The following MAST4 variants were observed in gnomAD, a reference collection of about 807,000 sequenced individuals.
MAST4 encodes the protein microtubule associated serine/threonine kinase family member 4.
A neutral mutation model predicts 162.7 loss-of-function variants in MAST4; 89 were observed. The ratio of observed to expected loss-of-function variants is 0.55; its 90% CI spans 0.46 to 0.65. The LOEUF (loss-of-function observed/expected upper bound fraction) is 0.65, where lower values mean the gene tolerates loss of function less well. Among genes scored for constraint, MAST4 ranks in the 30% least tolerant of loss-of-function variants. The pLI is 0.00. For synonymous variants in MAST4, 1,479 were observed against 1,361.1 expected (o/e 1.09, Z -1.91); for missense variants, 3,153 against 3,374.0 (o/e 0.93, Z 1.62).
At chr5:67,135,349 G>T (rs922285804) in intron 18 of MAST4, among the ~76,000 whole-genome samples, 1 of 152,036 alleles carries the variant, frequency 6.6e-6, no homozygotes, top group Non-Finnish European at 1.5e-5. Flanking sequence ...AATTAAATAG[G>T]GTGTATCACT....
chr5:66,598,572 C>T (rs1742350997), intron 1 of MAST4, among the ~76,000 whole-genome samples: 1 of 152,186 alleles, frequency 6.6e-6, no homozygotes, highest in Non-Finnish European at 1.5e-5. Context: ...TCGCTGATTA[C>T]ATCTCCCTTT....
At position 66,660,296 on chromosome 5, in the gene MAST4, G is replaced by A. The variant is rs576214188; in HGVS notation, c.363+63278G>A. ...CCAGCTACTCAGGAGGTTGAGGCAC[G>A]AGAATCGCTTGAACCCAGGAGGCAG... On this transcript the variant is annotated intron_variant, in intron 1 of 28. Coordinates refer to ENST00000403625, the MANE Select transcript of MAST4 (RefSeq NM_001164664.2). Among the ~76,000 whole-genome samples, 10 of 152,286 alleles carry A rather than the reference G, an allele frequency of 6.6e-5. No homozygotes were observed. In the East Asian group the frequency reaches 1.7e-3, roughly 26 times the overall value.
chr5:66,752,777 G>T (rs1281988022), intron 1 of MAST4, among the ~76,000 whole-genome samples: 1 of 149,070 alleles, frequency 6.7e-6, no homozygotes, highest in African/African-American at 2.5e-5. Context: ...ATTGAACTCA[G>T]CTCTGCACCA....
At chr5:66,837,493 T>C (rs1432338832) in intron 3 of MAST4, among the ~76,000 whole-genome samples, 1 of 152,096 alleles carries the variant, frequency 6.6e-6, no homozygotes, top group Non-Finnish European at 1.5e-5. Context: ...GCACCATCAA[T>C]GAAAGGTCCT....
intron 19 of MAST4, among the ~76,000 whole-genome samples, chr5:67,137,719 A>G (rs1354322546): frequency 2.6e-5 from 4 of 152,190 alleles, no homozygotes; most frequent in African/African-American, 9.6e-5. Flanking sequence ...TCAGCAAGCT[A>G]TGGCCAGATT....
At chr5:66,610,702 A>G (rs975853531) in intron 1 of MAST4, among the ~76,000 whole-genome samples, 25 of 152,190 alleles carry the variant, frequency 1.6e-4, no homozygotes, top group African/African-American at 5.8e-4. Flanking sequence ...AATTCTCAGC[A>G]TCTGCACACC....
chr5:66,667,257 A>G (rs1299756078), intron 1 of MAST4, among the ~76,000 whole-genome samples: 1 of 152,192 alleles, frequency 6.6e-6, no homozygotes, highest in Non-Finnish European at 1.5e-5. Context: ...AAGGAATGAT[A>G]CAAGAAAATG....
rs565978107 is a variant in MAST4, at chr5:66,768,410, A to G, written c.517+8548A>G. On this transcript the variant is annotated intron_variant, in intron 2 of 28. Coordinates refer to ENST00000403625, the MANE Select transcript of MAST4 (RefSeq NM_001164664.2). ...GGAAGGAGGAGAAAACAGATGCCAA[A>G]GCAGGTAGTTCAAGTGCACCTATAC... Among the ~76,000 whole-genome samples the G allele has an allele frequency of 3.3e-5, 5 of 152,316 alleles. No homozygotes were observed. In the South Asian group the frequency reaches 1.0e-3, roughly 32 times the overall value.
intron 11 of MAST4, among the ~76,000 whole-genome samples, chr5:67,111,018 C>T (rs990829168): frequency 7.2e-5 from 11 of 152,114 alleles, no homozygotes; most frequent in East Asian, 1.9e-4. Context: ...AATGAGATTT[C>T]GTCTCAAAAA....
intron 1 of MAST4, among the ~76,000 whole-genome samples, chr5:66,743,560 C>T (rs1752587494): frequency 6.6e-6 from 1 of 152,184 alleles, no homozygotes; most frequent in Non-Finnish European, 1.5e-5. Context: ...TCCAGTCCTC[C>T]ACAGGCTGCG....
chr5:67,009,908 G>A (rs78699453), intron 4 of MAST4, among the ~76,000 whole-genome samples: 2,018 of 152,166 alleles, frequency 0.013, 37 homozygotes, highest in African/African-American at 0.044. Flanking sequence ...GAGATATGAA[G>A]GATATGACGT....
In MAST4 at chr5:67,119,414, T is replaced by A. The variant is rs899763872; in HGVS notation, c.1659+665T>A. On this transcript the variant is annotated intron_variant, in intron 13 of 28. Coordinates refer to ENST00000403625, the MANE Select transcript of MAST4 (RefSeq NM_001164664.2). ...GTGAACACCAAAAGAGGAACCAGGA[T>A]GCATCAGAGTAGGGGTTAGGAAAGC... Among the ~76,000 whole-genome samples, 4 of 152,200 alleles carry A rather than the reference T, an allele frequency of 2.6e-5. No individual in the cohort carries two copies. In the South Asian group the frequency reaches 8.3e-4, roughly 32 times the overall value.
rs778836211 is a variant in MAST4, at chr5:66,722,768, A to G, written c.364-36941A>G. Reference sequence around the variant, plus strand: ...ACTAGTTTTCTGGGATTTGTAATCTATTTCTGAGTGGAGAGAGATGACTGG... The same window carrying G: ...ACTAGTTTTCTGGGATTTGTAATCTGTTTCTGAGTGGAGAGAGATGACTGG... On this transcript the variant is annotated intron_variant, in intron 1 of 28. Coordinates refer to ENST00000403625, the MANE Select transcript of MAST4 (RefSeq NM_001164664.2). Among the ~76,000 whole-genome samples, 4 of 152,242 alleles carry G rather than the reference A, an allele frequency of 2.6e-5. No homozygotes were observed. The South Asian group carries it at 8.3e-4, about 32-fold the overall frequency.
chr5:66,872,151 T>TTTTGTTTGTTTGTTTG (rs149530554), intron 3 of MAST4, among the ~76,000 whole-genome samples: 1 of 150,198 alleles, frequency 6.7e-6, no homozygotes, highest in Admixed American at 6.6e-5. Flanking sequence ...GATATAAATT[T>TTTTGTTTGTTTGTTTG]TTTGTTTGTT....
At chr5:66,897,060 A>G (rs561093579) in intron 3 of MAST4, among the ~76,000 whole-genome samples, 1 of 152,246 alleles carries the variant, frequency 6.6e-6, no homozygotes, top group African/African-American at 2.4e-5. Flanking sequence ...TGAGTCATCA[A>G]TATCAATGAA....
intron 3 of MAST4, among the ~76,000 whole-genome samples, chr5:66,830,378 A>G (rs2149755573): frequency 6.6e-6 from 1 of 152,328 alleles, no homozygotes; most frequent in South Asian, 2.1e-4. Context: ...AATTTTAGAA[A>G]TAAAGGAATC....
At chr5:66,698,360 C>A (rs966762105) in intron 1 of MAST4, among the ~76,000 whole-genome samples, 1 of 151,826 alleles carries the variant, frequency 6.6e-6, no homozygotes, top group East Asian at 1.9e-4. Context: ...TCTTACCCAC[C>A]CCTTTCCACC....
chr5:67,018,952 G>A (rs1234239347), intron 4 of MAST4, among the ~76,000 whole-genome samples: 1 of 151,946 alleles, frequency 6.6e-6, no homozygotes, highest in African/African-American at 2.4e-5. Context: ...CCAAATCCTG[G>A]TACTCAGACA....
chr5:66,628,459 T>G (rs1232355846), intron 1 of MAST4, among the ~76,000 whole-genome samples: 1 of 152,092 alleles, frequency 6.6e-6, no homozygotes, highest in Non-Finnish European at 1.5e-5. Context: ...GTTGATTATT[T>G]ACAATGATTT....
Sources: allele counts gnomAD v4.1 joint callset (sites outside exome capture counted in the v4.1 genomes callset), GRCh38; gene constraint gnomAD v4.1.1; transcripts MANE v1.5; gene names NCBI Gene and HGNC (gene_info 2026-07-23, HGNC 2026-07-21).